Variants in MYH15 observed in about 807,000 individuals in gnomAD.
The protein encoded by MYH15 is myosin heavy chain 15, also known as myosin-15.
A neutral mutation model predicts 240.5 loss-of-function variants in MYH15; 227 were observed. The observed-to-expected ratio is 0.94, with a 90% CI of 0.85 to 1.05. The LOEUF is 1.05. Among genes scored for constraint, MYH15 ranks in the 50% least tolerant of loss-of-function variants. MYH15 has a pLI of 0.00. For synonymous variants in MYH15, 785 were observed against 796.7 expected (o/e 0.99, Z 0.25); for missense variants, 2,217 against 2,247.5 (o/e 0.99, Z 0.27).
chr3:108,417,820 CACACACAT>C (rs1258802900), intron 28 of MYH15, among the ~76,000 whole-genome samples: 2 of 151,518 alleles, frequency 1.3e-5, no homozygotes, highest in East Asian at 1.9e-4. Context: ...CACACACACA[CACACACAT>C]ATACACACTT....
At chr3:108,508,815 T>C (rs2083499615) in intron 1 of MYH15, among the ~76,000 whole-genome samples, 2 of 152,210 alleles carry the variant, frequency 1.3e-5, no homozygotes, top group African/African-American at 4.8e-5. Context: ...GAATGGTGTT[T>C]TGTCCTAGCT....
upstream of MYH15, among the ~76,000 whole-genome samples, chr3:108,532,843 T>C (rs75792899): frequency 0.013 from 2,008 of 152,320 alleles, 45 homozygotes; most frequent in African/African-American, 0.046. Flanking sequence ...GCCATGCCTA[T>C]CTGGATGATG....
At chr3:108,549,134 A>G in the MYH15 span, among the ~76,000 whole-genome samples, 1 of 152,044 alleles carries the variant, frequency 6.6e-6, no homozygotes, top group East Asian at 1.9e-4. Context: ...ATCCTAATAT[A>G]ATGATGCACT....
Position 108,441,081 on chromosome 3 carries a change from T to C in MYH15, c.2835A>G (p.Glu945=). ...LEDECFELKK[E]IDDLETMLVK... ...CCAACATTGTTTCCAGGTCATCGAT[T>C]TCTTTCTTCAACTCAAAACATTCAT... The change falls in exon 23 of 41, where the codon GAA becomes GAG. Residue 945 remains glutamate (E), a synonymous_variant. Transcript: ENST00000693548. 6.2e-7 allele frequency: 1 copy of C among 1,614,192 alleles called. No individual in the cohort carries two copies. Among genetic ancestry groups the C allele is most frequent in the Non-Finnish European group, 8.5e-7 (1 of 1,180,004 alleles).
chr3:108,389,550 T>C (rs538819825), intron 37 of MYH15, among the ~76,000 whole-genome samples: 4 of 152,296 alleles, frequency 2.6e-5, no homozygotes, highest in South Asian at 4.1e-4. Flanking sequence ...TGCTGCCTTA[T>C]AGAGTTACAC....
intron 14 of MYH15, among the ~76,000 whole-genome samples, chr3:108,465,553 A>G (rs1376443595): frequency 1.3e-5 from 2 of 152,158 alleles, no homozygotes; most frequent in African/African-American, 4.8e-5. Flanking sequence ...ATTGGTTTAG[A>G]AAGTAGGGCT....
At position 108,391,897 on chromosome 3, in the gene MYH15, G is replaced by A; in HGVS notation, c.5293C>T (p.Gln1765Ter). 1.2e-6 allele frequency: 2 copies of A among 1,614,030 alleles called. No homozygotes were observed. The highest frequency in any genetic ancestry group is 1.7e-6 in the Non-Finnish European group (2 of 1,179,960). Residue 1765 changes from glutamine (Q) to a stop codon, truncating the protein, a stop_gained, in exon 37 of 41, where the codon CAA becomes TAA. Transcript: ENST00000693548. LOFTEE classifies it high-confidence loss of function. ...CTTTCCAAGTGGGCAATGGTGTCTT[G>A]CTTCTTCTTCAGTTCTTCTGACAAG... ...ANLSEELKKK[Q>*]DTIAHLERTR... is the part of the protein sequence containing the mutation.
intron 38 of MYH15, among the ~76,000 whole-genome samples, chr3:108,384,997 G>A (rs1442574716): frequency 6.6e-6 from 1 of 152,138 alleles, no homozygotes; most frequent in Non-Finnish European, 1.5e-5. Flanking sequence ...ATCAACCTTT[G>A]CTGAAATGGG....
intron 25 of MYH15, among the ~76,000 whole-genome samples, chr3:108,432,667 C>T (rs2107562843): frequency 6.6e-6 from 1 of 152,296 alleles, no homozygotes; most frequent in Non-Finnish European, 1.5e-5. Context: ...GCCCTGCGTC[C>T]CAGCTGCTCC....
chr3:108,539,664 T>C, the MYH15 span, among the ~76,000 whole-genome samples: 3 of 152,312 alleles, frequency 2.0e-5, no homozygotes, highest in East Asian at 5.8e-4. Flanking sequence ...CTTATCAGTA[T>C]ACTTATTTGT....
At chr3:108,459,174 T>G (rs576077579) in intron 18 of MYH15, among the ~76,000 whole-genome samples, 188 bp downstream of exon 18, 2 of 152,204 alleles carry the variant, frequency 1.3e-5, no homozygotes, top group Non-Finnish European at 2.9e-5. Flanking sequence ...GAAACCCTTC[T>G]GTACATCCAT....
In MYH15 at chr3:108,391,783, G is replaced by T. The variant is rs1446277621; in HGVS notation, c.5407C>A (p.Gln1803Lys). The T allele has an allele frequency of 6.2e-7, 1 of 1,613,826 alleles. No homozygotes were observed. The highest frequency in any genetic ancestry group is 1.1e-5 in the South Asian group (1 of 90,992). Reference sequence around the variant, plus strand: ...ACCCTGGATTCTAGTTTCTGGATTTGCTTTCTACTCCCCATCAGGGCCATC... The same window carrying T: ...ACCCTGGATTCTAGTTTCTGGATTTTCTTTCTACTCCCCATCAGGGCCATC... ...EQMALMGSRK[Q>K]IQKLESRVRE... Residue 1803 changes from glutamine to lysine, a missense_variant, in exon 37 of 41, where the codon CAA becomes AAA. Physicochemically the swap from Gln to Lys is moderately conservative, Grantham distance 53. Coordinates refer to ENST00000693548, the MANE Select transcript of MYH15 (RefSeq NM_014981.3).
chr3:108,405,165 A>G, intron 33 of MYH15, 173 bp downstream of exon 33: 1 of 390,660 alleles, frequency 2.6e-6, no homozygotes, highest in South Asian at 9.8e-5. Context: ...GTATAAAGGA[A>G]TATCTATACA....
At chr3:108,432,496 C>T (rs750030471) in intron 25 of MYH15, among the ~76,000 whole-genome samples, 3 of 152,100 alleles carry the variant, frequency 2.0e-5, no homozygotes, top group Non-Finnish European at 2.9e-5. Context: ...TTACAAGGAA[C>T]CAAATGTTAA....
At chr3:108,405,508 AT>A in intron 32 of MYH15, 55 bp from the exon 33 acceptor site, 1 of 1,167,990 alleles carries the variant, frequency 8.6e-7, no homozygotes. Flanking sequence ...ACAAAATTGT[AT>A]TTTTTACCCA....
In MYH15 at chr3:108,394,030, C is replaced by A. The variant is rs748212790; in HGVS notation, c.5259+1G>T. 3 of 1,613,740 alleles carry A rather than the reference C, an allele frequency of 1.9e-6. No individual in the cohort carries two copies. The highest frequency in any genetic ancestry group is 2.5e-6 in the Non-Finnish European group (3 of 1,179,948). On this transcript the variant is annotated splice_donor_variant, in intron 36 of 40. Transcript: ENST00000693548. LOFTEE classifies it high-confidence loss of function. ...ATTGAGTACGTGGTCAAGGGACCCA[C>A]CTCAATGGCTGCCTTCTTGGCCTTC...
At chr3:108,430,084 C>T (rs1223335159) in intron 26 of MYH15, among the ~76,000 whole-genome samples, 1 of 152,048 alleles carries the variant, frequency 6.6e-6, no homozygotes, top group Non-Finnish European at 1.5e-5. Context: ...AATATGATAA[C>T]CACTTGGAGA....
At chr3:108,385,491 A>C (rs186216055) in intron 38 of MYH15, among the ~76,000 whole-genome samples, 1 of 152,158 alleles carries the variant, frequency 6.6e-6, no homozygotes, top group Admixed American at 6.5e-5. Context: ...ATGTTTCTCA[A>C]CTGTGCTCTG....
intron 1 of MYH15, among the ~76,000 whole-genome samples, chr3:108,525,189 A>G (rs1441690682): frequency 1.3e-5 from 2 of 152,096 alleles, no homozygotes; most frequent in Non-Finnish European, 2.9e-5. Flanking sequence ...TCAAAATAGT[A>G]ATTAGCTGAC....
Sources: allele counts gnomAD v4.1 joint callset (sites outside exome capture counted in the v4.1 genomes callset), GRCh38; gene constraint gnomAD v4.1.1; transcripts MANE v1.5; gene names NCBI Gene and HGNC (gene_info 2026-07-23, HGNC 2026-07-21).